Variants in CRP observed in about 807,000 individuals in gnomAD.
CRP encodes the protein C-reactive protein.
In CRP, 6 loss-of-function variants were observed where a neutral mutation model predicts 3.0. The ratio of observed to expected loss-of-function variants is 2.02; its 90% CI spans 1.11 to 3.99. The LOEUF is 3.99. Ranked by LOEUF, CRP falls within the 30% of genes most tolerant of loss-of-function variation. The pLI, the probability that CRP is intolerant of heterozygous loss-of-function variation, is 0.00. For synonymous variants in CRP, 130 were observed against 111.0 expected (o/e 1.17, Z -1.08); for missense variants, 297 against 271.0 (o/e 1.10, Z -0.67).
intron 1 of CRP, 26 bp downstream of exon 1, chr1:159,714,398 TC>T: frequency 6.3e-7 from 1 of 1,581,160 alleles, no homozygotes; most frequent in Non-Finnish European, 8.6e-7. Flanking sequence ...AGATCAAATC[TC>T]TCCCATAGCC....
chr1:159,714,008 G>T lies in CRP; in HGVS notation c.192C>A (p.Thr64=), dbSNP rs764668650. Residue 64 remains threonine, a synonymous_variant, in exon 2 of 2, where the codon ACC becomes ACA. Coordinates refer to ENST00000255030, the MANE Select transcript of CRP (RefSeq NM_000567.3). ...CATACGAGAAAATACTGTACCCACG[G>T]GTCGAGGACAGTTCCGTGTAGAAGT... The part of the protein sequence containing the change: ...CLHFYTELSS[T]RGYSIFSYAT... The T allele has an allele frequency of 2.5e-6, 4 of 1,613,376 alleles. No homozygotes were observed. The East Asian group carries it at 6.7e-5, about 27-fold the overall frequency.
chr1:159,713,371 G>T lies in CRP; in HGVS notation c.*154C>A. ...CCATTCTCAGGCGCTGAGGAGGGTG[G>T]AGCAGGCCTGCAATGCATATAGGGG... On this transcript the variant is annotated 3_prime_UTR_variant, in exon 2 of 2. Coordinates refer to ENST00000255030, the MANE Select transcript of CRP (RefSeq NM_000567.3). The T allele has an allele frequency of 1.1e-6, 1 of 935,900 alleles. No individual in the cohort carries two copies. The highest frequency in any genetic ancestry group is 1.9e-5 in the South Asian group (1 of 53,822). 58.0% of individuals were successfully genotyped at this position (935,900 alleles called of 1,614,324 possible). A position where few individuals can be genotyped will look rare whatever the true frequency, so the allele number is the denominator to read the frequency against.
Position 159,713,034 on chromosome 1 carries a change from C to T in CRP, c.*491G>A, listed in dbSNP as rs1040789561. On this transcript the variant is annotated 3_prime_UTR_variant, in exon 2 of 2. Transcript: ENST00000255030. Reference sequence around the variant, plus strand: ...ATGAGCACTCTGGACCCAAACCAGACACCTGGCCAGTGTCCTGATTCTGAG... The same window carrying T: ...ATGAGCACTCTGGACCCAAACCAGATACCTGGCCAGTGTCCTGATTCTGAG... The T allele has an allele frequency of 2.5e-5, 4 of 157,558 alleles. No homozygotes were observed. Among genetic ancestry groups the T allele is most frequent in the Admixed American group, 6.1e-5 (1 of 16,442 alleles). 9.8% of individuals were successfully genotyped at this position (157,558 alleles called of 1,614,324 possible).
In CRP at chr1:159,714,131, C is replaced by T. The variant is rs780808995; in HGVS notation, c.69G>A (p.Ser23=). The part of the protein sequence containing the change: ...LSHAFGQTDM[S]RKAFVFPKES... ...CTTTGGGAAACACAAAAGCCTTCCT[C>T]GACATGTCTGTGAGCCAGAAAAACA... The change falls in exon 2 of 2, where the codon TCG becomes TCA. Residue 23 remains serine, a synonymous_variant. Transcript: ENST00000255030. 31 of 1,608,902 alleles carry T rather than the reference C, an allele frequency of 1.9e-5. No individual in the cohort carries two copies. Among genetic ancestry groups the T allele is most frequent in the Admixed American group, 1.7e-4 (10 of 59,652 alleles).
rs1437145413 is a variant in CRP at position 159,713,678 on chromosome 1, A to C, written c.522T>G (p.Ile174Met). 3.1e-6 allele frequency: 5 copies of C among 1,614,088 alleles called. No individual in the cohort carries two copies. The highest frequency in any genetic ancestry group is 3.4e-6 in the Non-Finnish European group (4 of 1,180,020). The change falls in exon 2 of 2, where the codon ATT becomes ATG. Residue 174 changes from isoleucine (I) to methionine (M), a missense_variant. By Grantham distance (10) the Ile-to-Met change is conservative. Coordinates refer to ENST00000255030, the MANE Select transcript of CRP (RefSeq NM_000567.3). ...CAAAGTCCCACATGTTCACATTTCC[A>C]ATGTCTCCCACCAGGGACTGGCTTC... Reference protein sequence around the residue: ...FEGSQSLVGDIGNVNMWDFVL... With the variant: ...FEGSQSLVGDMGNVNMWDFVL...
chr1:159,714,309 T>C, intron 1 of CRP, 116 bp downstream of exon 1: 1 of 1,149,108 alleles, frequency 8.7e-7, no homozygotes, highest in African/African-American at 1.6e-5. Context: ...TGAAGGATGC[T>C]CCACTGTTCT....
rs745680131 is a variant in CRP at position 159,713,537 on chromosome 1, C to A, written c.663G>T (p.Gln221His). 5.0e-6 allele frequency: 8 copies of A among 1,610,184 alleles called. No individual in the cohort carries two copies. The highest frequency in any genetic ancestry group is 4.0e-5 in the African/African-American group (3 of 74,842). ...CCACAGCTGGGCCTCAGGGCCACAG[C>A]TGGGGTTTGGTGAACACTTCGCCTT... ...EVQGEVFTKP[Q>H]LWP is the part of the protein sequence containing the mutation. Residue 221 changes from glutamine to histidine, a missense_variant, in exon 2 of 2, where the codon CAG becomes CAT. By Grantham distance (24) the Gln-to-His change is conservative. Transcript: ENST00000255030.
rs1660698649 is a variant in CRP, at chr1:159,712,579, TC to T, written c.*945del. 1 of 152,234 alleles carries T rather than the reference TC, an allele frequency of 6.6e-6. No individual in the cohort carries two copies. The highest frequency in any genetic ancestry group is 2.1e-4 in the South Asian group (1 of 4,830). 9.4% of individuals were successfully genotyped at this position (152,234 alleles called of 1,614,324 possible). A position where few individuals can be genotyped will look rare whatever the true frequency, so the allele number is the denominator to read the frequency against. On this transcript the variant is annotated 3_prime_UTR_variant, in exon 2 of 2. Coordinates refer to ENST00000255030, the MANE Select transcript of CRP (RefSeq NM_000567.3). The stretch of plus-strand genomic sequence containing the variant: ...CAATCCTTGGGAAGACTGTAGTTGG[TC>T]CTGCTAGGAACACGTAACTATCCAA...
In CRP at chr1:159,713,863, G is replaced by C. The variant is rs200571178; in HGVS notation, c.337C>G (p.His113Asp). Reference sequence around the variant, plus strand: ...GCGGACTCCCAGCTTGTACAAATGTGTACTGGAGCTACTGTGACTTCAGGA... The same window carrying C: ...GCGGACTCCCAGCTTGTACAAATGTCTACTGGAGCTACTGTGACTTCAGGA... ...EVPEVTVAPV[H>D]ICTSWESASG... Residue 113 changes from histidine to aspartate, a missense_variant, in exon 2 of 2, where the codon CAC becomes GAC. Coordinates refer to ENST00000255030, the MANE Select transcript of CRP (RefSeq NM_000567.3). 8 of 1,614,040 alleles carry C rather than the reference G, an allele frequency of 5.0e-6. No homozygotes were observed. In the South Asian group the frequency reaches 8.8e-5, roughly 18 times the overall value.
chr1:159,713,648 C>G lies in CRP; in HGVS notation c.552G>C (p.Leu184=), dbSNP rs1800947. 91,237 of 1,614,146 alleles carry G rather than the reference C, an allele frequency of 0.057. 2,919 individuals carry two copies. Among genetic ancestry groups the G allele is most frequent in the Non-Finnish European group, 0.063 (74,691 of 1,180,018 alleles). ...IGNVNMWDFV[L]SPDEINTIYL... ...AGATGGTGTTAATCTCATCTGGTGACAGCACAAAGTCCCACATGTTCACAT... is the reference window on the plus strand; with the variant it reads ...AGATGGTGTTAATCTCATCTGGTGAGAGCACAAAGTCCCACATGTTCACAT... The change falls in exon 2 of 2, where the codon CTG becomes CTC. Residue 184 remains leucine (L), a synonymous_variant. Coordinates refer to ENST00000255030, the MANE Select transcript of CRP (RefSeq NM_000567.3).
rs772430574 is a variant in CRP at position 159,713,975 on chromosome 1, C to T, written c.225G>A (p.Lys75=). 1.2e-5 allele frequency: 19 copies of T among 1,613,538 alleles called. No homozygotes were observed. The East Asian group carries it at 4.2e-4, about 36-fold the overall frequency. Residue 75 remains lysine (K), a synonymous_variant, in exon 2 of 2, where the codon AAG becomes AAA. Transcript: ENST00000255030. ...RGYSIFSYAT[K]RQDNEILIFW... The stretch of plus-strand genomic sequence containing the variant: ...ATATGAGAATCTCATTGTCTTGTCT[C>T]TTGGTGGCATACGAGAAAATACTGT...
At position 159,713,347 on chromosome 1, in the gene CRP, C is replaced by T. The variant is rs1660723286; in HGVS notation, c.*178G>A. On this transcript the variant is annotated 3_prime_UTR_variant, in exon 2 of 2. Coordinates refer to ENST00000255030, the MANE Select transcript of CRP (RefSeq NM_000567.3). ...GCTCCCAGACCAGACACTTTACCTC[C>T]ATTCTCAGGCGCTGAGGAGGGTGGA... 2.8e-6 allele frequency: 2 copies of T among 705,404 alleles called. No homozygotes were observed. The highest frequency in any genetic ancestry group is 3.6e-5 in the African/African-American group (2 of 56,126). The allele number at this position is 705,404 out of a possible 1,614,324, so 43.7% of individuals were successfully genotyped here.
chr1:159,714,009 G>T lies in CRP; in HGVS notation c.191C>A (p.Thr64Asn). 1 of 1,613,490 alleles carries T rather than the reference G, an allele frequency of 6.2e-7. No individual in the cohort carries two copies. The highest frequency in any genetic ancestry group is 8.5e-7 in the Non-Finnish European group (1 of 1,180,002). Residue 64 changes from threonine (T) to asparagine (N), a missense_variant, in exon 2 of 2, where the codon ACC becomes AAC. Thr to Asn is a moderately conservative substitution (Grantham distance 65). Transcript: ENST00000255030. ...ATACGAGAAAATACTGTACCCACGG[G>T]TCGAGGACAGTTCCGTGTAGAAGTG... ...CLHFYTELSS[T>N]RGYSIFSYAT...
chr1:159,713,641 C>G lies in CRP; in HGVS notation c.559G>C (p.Asp187His). 6.2e-7 allele frequency: 1 copy of G among 1,614,232 alleles called. No individual in the cohort carries two copies. The change falls in exon 2 of 2, where the codon GAT becomes CAT. Residue 187 changes from aspartate (D) to histidine (H), a missense_variant. Physicochemically the swap from Asp to His is moderately conservative, Grantham distance 81. Transcript: ENST00000255030. ...CCAAGATAGATGGTGTTAATCTCATCTGGTGACAGCACAAAGTCCCACATG... is the reference window on the plus strand; with the variant it reads ...CCAAGATAGATGGTGTTAATCTCATGTGGTGACAGCACAAAGTCCCACATG... The part of the protein sequence containing the change: ...VNMWDFVLSP[D>H]EINTIYLGGP...
At position 159,714,494 on chromosome 1, in the gene CRP, C is replaced by A; in HGVS notation, c.-9G>T. The A allele has an allele frequency of 6.2e-7, 1 of 1,613,868 alleles. No individual in the cohort carries two copies. Among genetic ancestry groups the A allele is most frequent in the Non-Finnish European group, 8.5e-7 (1 of 1,180,008 alleles). On this transcript the variant is annotated 5_prime_UTR_variant, in exon 1 of 2. Transcript: ENST00000255030. ...CACAACAGCTTCTCCATGGTCACGT[C>A]CTGCTGCCAGTGATACAAGGGCCTG...
chr1:159,714,226 GAAAC>G (rs1044264840), intron 1 of CRP, 88 bp from the exon 2 acceptor site: 12 of 1,496,010 alleles, frequency 8.0e-6, no homozygotes, highest in African/African-American at 1.4e-5. Flanking sequence ...TTAAGATTGA[GAAAC>G]AGACTGACCC....
Position 159,713,885 on chromosome 1 carries a change from A to G in CRP, c.315T>C (p.Pro105=). 6.2e-7 allele frequency: 1 copy of G among 1,614,146 alleles called. No individual in the cohort carries two copies. The highest frequency in any genetic ancestry group is 8.5e-7 in the Non-Finnish European group (1 of 1,180,028). The stretch of plus-strand genomic sequence containing the variant: ...TGTGTACTGGAGCTACTGTGACTTC[A>G]GGAACCTCGAATAATATTTCAGACC... ...VGGSEILFEV[P]EVTVAPVHIC... The change falls in exon 2 of 2, where the codon CCT becomes CCC. Residue 105 remains proline, a synonymous_variant. Transcript: ENST00000255030.
chr1:159,714,101 C>A lies in CRP; in HGVS notation c.99G>T (p.Ser33=). The A allele has an allele frequency of 6.2e-7, 1 of 1,612,524 alleles. No individual in the cohort carries two copies. Among genetic ancestry groups the A allele is most frequent in the Non-Finnish European group, 8.5e-7 (1 of 1,179,878 alleles). ...CTTTGAGGGATACATAGGAAGTATCCGACTCTTTGGGAAACACAAAAGCCT... is the reference window on the plus strand; with the variant it reads ...CTTTGAGGGATACATAGGAAGTATCAGACTCTTTGGGAAACACAAAAGCCT... ...SRKAFVFPKE[S]DTSYVSLKAP... is the part of the protein sequence containing the mutation. The change falls in exon 2 of 2, where the codon TCG becomes TCT. Residue 33 remains serine (S), a synonymous_variant. Coordinates refer to ENST00000255030, the MANE Select transcript of CRP (RefSeq NM_000567.3).
intron 1 of CRP, 48 bp from the exon 2 acceptor site, chr1:159,714,186 C>T (rs762247507): frequency 2.6e-6 from 4 of 1,567,874 alleles, no homozygotes; most frequent in Non-Finnish European, 3.4e-6. Flanking sequence ...TCAGATCACA[C>T]AGATCTATCC....
Sources: gnomAD v4.1 joint callset for allele counts on GRCh38, gnomAD v4.1.1 for gene constraint, MANE v1.5 for transcripts, NCBI Gene and HGNC (gene_info 2026-07-23, HGNC 2026-07-21) for gene names.